Variants in PTPRN2 observed in about 807,000 individuals in gnomAD.
PTPRN2 encodes the protein protein tyrosine phosphatase receptor type N2.
PTPRN2 carries 74 observed loss-of-function variants against 118.8 expected under a neutral mutation model. The observed-to-expected ratio is 0.62, with a 90% CI of 0.52 to 0.76. The LOEUF is 0.76. Among genes scored for constraint, PTPRN2 ranks in the 30% least tolerant of loss-of-function variants. The pLI is 0.00. For synonymous variants in PTPRN2, 641 were observed against 608.0 expected, an observed-to-expected ratio of 1.05 and a Z score of -0.80; for missense variants, 1,481 against 1,394.4, an observed-to-expected ratio of 1.06 and a Z score of -0.99.
chr7:158,321,054 T>C (rs1802969720), intron 2 of PTPRN2, among the ~76,000 whole-genome samples: 1 of 151,946 alleles, frequency 6.6e-6, no homozygotes, highest in South Asian at 2.1e-4. Context: ...AGAAAAGGAC[T>C]GGAAAGTCAA....
intron 3 of PTPRN2, among the ~76,000 whole-genome samples, chr7:158,315,524 C>T (rs1398108988): frequency 7.1e-6 from 1 of 141,786 alleles, no homozygotes. Flanking sequence ...GAACCCGGGA[C>T]CCCTGAAGGA....
chr7:158,252,475 T>C (rs1796748322), intron 3 of PTPRN2, among the ~76,000 whole-genome samples: 1 of 152,072 alleles, frequency 6.6e-6, no homozygotes, highest in Non-Finnish European at 1.5e-5. Context: ...TGGTGAGCAC[T>C]CCAGGCGGAC....
Position 158,546,311 on chromosome 7 carries a change from C to T in PTPRN2, c.112+41247G>A, listed in dbSNP as rs571501058. Reference sequence around the variant, plus strand: ...AGCGCTTCCAGCAGCTTGAGCTTCACGCCTGCCCGGAGACGGGGTCCGCGA... The same window carrying T: ...AGCGCTTCCAGCAGCTTGAGCTTCATGCCTGCCCGGAGACGGGGTCCGCGA... On this transcript the variant is annotated intron_variant, in intron 1 of 22. Coordinates refer to ENST00000389418, the MANE Select transcript of PTPRN2 (RefSeq NM_002847.5). The surrounding 1 kb of genome is among the most constrained non-coding windows in gnomAD (Gnocchi z 5.0). Among the ~76,000 whole-genome samples, 38 of 152,324 alleles carry T rather than the reference C, an allele frequency of 2.5e-4. No individual in the cohort carries two copies. Among genetic ancestry groups the T allele is most frequent in the Middle Eastern group, 6.8e-3 (2 of 294 alleles).
chr7:157,751,346 C>T (rs562827531), intron 12 of PTPRN2, among the ~76,000 whole-genome samples: 4 of 152,262 alleles, frequency 2.6e-5, no homozygotes, highest in African/African-American at 4.8e-5. Context: ...AAAATCCATG[C>T]GGCGAACGCC....
intron 2 of PTPRN2, among the ~76,000 whole-genome samples, chr7:158,332,389 T>C (rs56070811): frequency 8.9e-3 from 619 of 69,496 alleles, no homozygotes; most frequent in Middle Eastern, 0.026. Flanking sequence ...CACCTGCAGA[T>C]GTCACTCACA....
At chr7:157,542,595 GGGGGAGGGGAC>G (rs1312001220) in intron 22 of PTPRN2, among the ~76,000 whole-genome samples, 1 of 152,188 alleles carries the variant, frequency 6.6e-6, no homozygotes, top group African/African-American at 2.4e-5. Context: ...TCCATGCTAT[GGGGGAGGGGAC>G]GGGCAGGGGG....
Position 157,568,339 on chromosome 7 carries a change from C to G in PTPRN2, c.2902+563G>C, listed in dbSNP as rs933040162. Among the ~76,000 whole-genome samples the G allele has an allele frequency of 3.3e-5, 5 of 152,310 alleles. No homozygotes were observed. The East Asian group carries it at 7.7e-4, about 24-fold the overall frequency. On this transcript the variant is annotated intron_variant, in intron 21 of 22. Coordinates refer to ENST00000389418, the MANE Select transcript of PTPRN2 (RefSeq NM_002847.5). ...CACACCGTCTCTGAGAGGAACGCCT[C>G]CCACAGCACGCACAGAGATTCCCTA...
chr7:158,548,237 G>C (rs1474352203), intron 1 of PTPRN2, among the ~76,000 whole-genome samples: 3 of 152,234 alleles, frequency 2.0e-5, no homozygotes, highest in African/African-American at 7.2e-5. Context: ...CAGACGCTGT[G>C]AAGAGGAGTG....
At chr7:157,972,880 G>A (rs1225892148) in intron 11 of PTPRN2, among the ~76,000 whole-genome samples, 1 of 148,192 alleles carries the variant, frequency 6.7e-6, no homozygotes, top group Non-Finnish European at 1.5e-5. Flanking sequence ...CACGAGAACA[G>A]GGCTTCAGAG....
chr7:158,385,969 CCCT>C (rs1811311236), intron 2 of PTPRN2, among the ~76,000 whole-genome samples: 2 of 145,712 alleles, frequency 1.4e-5, no homozygotes, highest in African/African-American at 5.1e-5. Flanking sequence ...ATTTCTGTGC[CCCT>C]CCTCCCTCCT....
chr7:158,454,557 A>C (rs111896111), intron 2 of PTPRN2, among the ~76,000 whole-genome samples: 1 of 149,624 alleles, frequency 6.7e-6, no homozygotes, highest in Non-Finnish European at 1.5e-5. Flanking sequence ...CAACACACAC[A>C]ATCACTGATG....
At chr7:158,059,534 A>T (rs1810138439) in intron 11 of PTPRN2, among the ~76,000 whole-genome samples, 1 of 101,078 alleles carries the variant, frequency 9.9e-6, no homozygotes. Context: ...GCCACACTCC[A>T]TCTGCAGTGA....
At chr7:158,151,295 CCTCT>C (rs1326706630) in intron 6 of PTPRN2, among the ~76,000 whole-genome samples, 1 of 74,742 alleles carries the variant, frequency 1.3e-5, no homozygotes, top group Admixed American at 1.3e-4. Context: ...TCTGCTCCTG[CCTCT>C]CCCTGCCCAC....
At chr7:158,474,252 A>C (rs1360874738) in intron 2 of PTPRN2, among the ~76,000 whole-genome samples, 1 of 152,184 alleles carries the variant, frequency 6.6e-6, no homozygotes, top group East Asian at 1.9e-4. Context: ...AAGCGGAGTA[A>C]ACCGGGAGAT....
chr7:158,220,348 G>C (rs1487145649), intron 3 of PTPRN2, among the ~76,000 whole-genome samples: 1 of 151,876 alleles, frequency 6.6e-6, no homozygotes, highest in Non-Finnish European at 1.5e-5. Flanking sequence ...AGAAATAAAA[G>C]GTATCCAAAT....
At chr7:157,899,075 G>A (rs539259969) in intron 11 of PTPRN2, among the ~76,000 whole-genome samples, 16 of 152,310 alleles carry the variant, frequency 1.1e-4, no homozygotes, top group Admixed American at 3.3e-4. Context: ...TTAAAATTAC[G>A]TAATCGTTTC....
intron 19 of PTPRN2, among the ~76,000 whole-genome samples, chr7:157,572,492 C>T (rs1440084548): frequency 6.6e-6 from 1 of 152,210 alleles, no homozygotes; most frequent in Non-Finnish European, 1.5e-5. Flanking sequence ...TGCTTTGCTA[C>T]AAACCTTTGA....
At chr7:157,549,100 T>C (rs929462755) in intron 21 of PTPRN2, 81 bp from the exon 22 acceptor site, 2 of 1,381,170 alleles carry the variant, frequency 1.4e-6, no homozygotes, top group Admixed American at 1.7e-5. Context: ...CTAGCCACGT[T>C]CCCTCTGGGC....
At chr7:157,638,645 C>T (rs993444793) in intron 14 of PTPRN2, among the ~76,000 whole-genome samples, 2 of 152,242 alleles carry the variant, frequency 1.3e-5, no homozygotes, top group Non-Finnish European at 2.9e-5. Context: ...ACATCTTTTC[C>T]CAGCTCAGTG....
Sources: gnomAD v4.1 joint callset for allele counts (sites outside exome capture counted in the v4.1 genomes callset) on GRCh38, gnomAD v4.1.1 for gene constraint, Gnocchi (gnomAD v3.1) non-coding constraint, MANE v1.5 for transcripts, NCBI Gene and HGNC (gene_info 2026-07-23, HGNC 2026-07-21) for gene names.